The following SLC25A16 variants were observed in gnomAD, a reference collection of about 807,000 sequenced individuals.
SLC25A16 encodes mitochondrial coenzyme A transporter SLC25A16.
Under a neutral mutation model 41.5 loss-of-function variants are expected in SLC25A16, and 39 were observed. That is an observed-to-expected ratio of 0.94 (90% CI 0.73 to 1.23). SLC25A16 has a LOEUF of 1.23. SLC25A16 is among the 50% of genes most tolerant of loss of function. The pLI is 0.00. For missense variants in SLC25A16, 421 were observed against 426.9 expected, an observed-to-expected ratio of 0.99 and a Z score of 0.12; for synonymous variants, 146 against 147.8, an observed-to-expected ratio of 0.99 and a Z score of 0.09.
intron 3 of SLC25A16, among the ~76,000 whole-genome samples, chr10:68,504,441 TG>T (rs2052915406): frequency 1.5e-5 from 2 of 137,674 alleles, no homozygotes; most frequent in African/African-American, 5.7e-5. Context: ...GTGTTTTTTT[TG>T]TTTTTTTTTT....
intron 3 of SLC25A16, 33 bp from the exon 4 acceptor site, chr10:68,503,728 AT>A (rs774173998): frequency 1.2e-4 from 152 of 1,303,666 alleles, no homozygotes; most frequent in Non-Finnish European, 1.7e-4. Flanking sequence ...TAAATGAGAT[AT>A]TTTTTAAATG....
At chr10:68,496,495 A>T (rs1301387801) in intron 4 of SLC25A16, 1 of 984,834 alleles carries the variant, frequency 1.0e-6, no homozygotes, top group African/African-American at 1.7e-5. Context: ...TCCAATACAA[A>T]TAGTAGAATA....
At chr10:68,485,055 A>G (rs960689637) in intron 8 of SLC25A16, among the ~76,000 whole-genome samples, 1 of 152,202 alleles carries the variant, frequency 6.6e-6, no homozygotes, top group African/African-American at 2.4e-5. Context: ...TAGGTTAAAC[A>G]AAAAATATTT....
chr10:68,496,188 A>G (rs79443184), intron 4 of SLC25A16, among the ~76,000 whole-genome samples: 3,800 of 152,272 alleles, frequency 0.025, 163 homozygotes, highest in African/African-American at 0.087. Flanking sequence ...GGGAAGCACA[A>G]TCAGAGAATT....
intron 3 of SLC25A16, among the ~76,000 whole-genome samples, chr10:68,505,116 C>G (rs529852913): frequency 8.5e-5 from 13 of 152,144 alleles, no homozygotes; most frequent in Non-Finnish European, 1.6e-4. Context: ...ATGGGCAACA[C>G]AGTGAGACCC....
intron 1 of SLC25A16, among the ~76,000 whole-genome samples, chr10:68,525,020 C>T (rs529823465): frequency 6.6e-6 from 1 of 152,220 alleles, no homozygotes; most frequent in African/African-American, 2.4e-5. Flanking sequence ...GCACTCCTGC[C>T]TGGGTGAGGG....
intron 1 of SLC25A16, among the ~76,000 whole-genome samples, chr10:68,518,779 A>G (rs1414627051): frequency 6.9e-6 from 1 of 144,626 alleles, no homozygotes; most frequent in African/African-American, 2.7e-5. Context: ...GTCTCAAAAA[A>G]ACAAATAAAA....
At chr10:68,495,137 G>T (rs1452228348) in intron 4 of SLC25A16, among the ~76,000 whole-genome samples, 1 of 151,908 alleles carries the variant, frequency 6.6e-6, no homozygotes, top group Non-Finnish European at 1.5e-5. Flanking sequence ...TAGGCCGGAT[G>T]TGGTGGCTCA....
intron 1 of SLC25A16, among the ~76,000 whole-genome samples, chr10:68,525,828 T>C (rs1352509099): frequency 1.3e-5 from 2 of 151,890 alleles, no homozygotes; most frequent in African/African-American, 4.9e-5. Context: ...CTCTGAAACA[T>C]GTGCTGTGTC....
chr10:68,525,826 C>T (rs1170831905), intron 1 of SLC25A16, among the ~76,000 whole-genome samples: 2 of 152,168 alleles, frequency 1.3e-5, no homozygotes, highest in African/African-American at 4.8e-5. Flanking sequence ...CTCTCTGAAA[C>T]ATGTGCTGTG....
At chr10:68,515,969 A>G (rs2133585271) in intron 2 of SLC25A16, among the ~76,000 whole-genome samples, 1 of 152,274 alleles carries the variant, frequency 6.6e-6, no homozygotes, top group South Asian at 2.1e-4. Flanking sequence ...ATATATAACC[A>G]CTACTGCAAA....
intron 8 of SLC25A16, among the ~76,000 whole-genome samples, chr10:68,484,043 T>G (rs527892130): frequency 6.6e-6 from 1 of 152,284 alleles, no homozygotes; most frequent in South Asian, 2.1e-4. Flanking sequence ...AGTGAAAATT[T>G]TTTCATAATA....
At chr10:68,507,548 GAAT>G (rs1360961216) in intron 2 of SLC25A16, among the ~76,000 whole-genome samples, 1 of 151,898 alleles carries the variant, frequency 6.6e-6, no homozygotes, top group Non-Finnish European at 1.5e-5. Context: ...GACACTTTAG[GAAT>G]AATGATAAAC....
chr10:68,512,606 T>G (rs1236020279), intron 2 of SLC25A16, among the ~76,000 whole-genome samples: 1 of 69,078 alleles, frequency 1.4e-5, no homozygotes, highest in Non-Finnish European at 2.4e-5. Flanking sequence ...GCCACTGCAC[T>G]CCAGCCTGGG....
In SLC25A16 at chr10:68,496,103, T is replaced by C. The variant is rs145548614; in HGVS notation, c.422-2533A>G. On this transcript the variant is annotated intron_variant, in intron 4 of 8. Coordinates refer to ENST00000609923, the MANE Select transcript of SLC25A16 (RefSeq NM_152707.4). ...ACCCTTTCCTTTGAGAATCAATTCA[T>C]TTATCTCCTCTTCTTGCATCCCCTT... 1.3e-4 allele frequency among the ~76,000 whole-genome samples: 20 copies of C among 152,348 alleles called. No homozygotes were observed. In the East Asian group the frequency reaches 2.7e-3, roughly 21 times the overall value.
chr10:68,488,454 T>C lies in SLC25A16; in HGVS notation c.773+13A>G. 6.8e-7 allele frequency: 1 copy of C among 1,473,722 alleles called. No homozygotes were observed. The highest frequency in any genetic ancestry group is 9.0e-7 in the Non-Finnish European group (1 of 1,111,754). The allele number at this position is 1,473,722 out of a possible 1,614,324, so 91.3% of individuals were successfully genotyped here. On this transcript the variant is annotated intron_variant, in intron 7 of 8. Coordinates refer to ENST00000609923, the MANE Select transcript of SLC25A16 (RefSeq NM_152707.4). Reference sequence around the variant, plus strand: ...CTATAATTTGATTAAATTAAGTTAGTGAAGAAACTTACGATATTGTCTGCG... The same window carrying C: ...CTATAATTTGATTAAATTAAGTTAGCGAAGAAACTTACGATATTGTCTGCG...
chr10:68,485,996 ACCATGTTAG>A (rs1315877549), intron 8 of SLC25A16, among the ~76,000 whole-genome samples: 1 of 150,054 alleles, frequency 6.7e-6, no homozygotes, highest in Non-Finnish European at 1.5e-5. Context: ...ACGGGATTTC[ACCATGTTAG>A]CCAGGAGTAC....
At chr10:68,525,279 G>C (rs1433107988) in intron 1 of SLC25A16, among the ~76,000 whole-genome samples, 1 of 151,952 alleles carries the variant, frequency 6.6e-6, no homozygotes, top group Non-Finnish European at 1.5e-5. Context: ...GGGATTACAG[G>C]CGAGTGCCAC....
At chr10:68,503,479 C>A (rs537003567) in intron 4 of SLC25A16, among the ~76,000 whole-genome samples, 153 bp downstream of exon 4, 1 of 152,244 alleles carries the variant, frequency 6.6e-6, no homozygotes, top group Non-Finnish European at 1.5e-5. Flanking sequence ...TTAATACATA[C>A]CTTTTTTTGA....
Sources: allele counts gnomAD v4.1 joint callset (sites outside exome capture counted in the v4.1 genomes callset), GRCh38; gene constraint gnomAD v4.1.1; transcripts MANE v1.5; gene names NCBI Gene and HGNC (gene_info 2026-07-23, HGNC 2026-07-21).